NDST3: variants seen among roughly 807,000 people sequenced by gnomAD.
NDST3 encodes the protein bifunctional heparan sulfate N-deacetylase/N-sulfotransferase 3.
NDST3 carries 58 observed loss-of-function variants against 96.1 expected under a neutral mutation model. The observed-to-expected ratio is 0.60, with a 90% CI of 0.49 to 0.75. The LOEUF (loss-of-function observed/expected upper bound fraction) is 0.75. Among genes scored for constraint, NDST3 ranks in the 30% least tolerant of loss-of-function variants. The probability of loss-of-function intolerance (pLI) is 0.00; values close to 1 mark genes in which losing one functional copy is unlikely to be tolerated. For missense variants in NDST3, 788 were observed against 1,034.2 expected (o/e 0.76, Z 3.27); for synonymous variants, 333 against 359.7 (o/e 0.93, Z 0.84).
chr4:118,086,717 T>C (rs560041574), intron 2 of NDST3, among the ~76,000 whole-genome samples: 29 of 152,296 alleles, frequency 1.9e-4, no homozygotes, highest in Middle Eastern at 6.8e-3. Context: ...AGGGAACTCA[T>C]AAATGCTATG....
At chr4:118,251,619 T>A (rs1317806750) in intron 12 of NDST3, among the ~76,000 whole-genome samples, 1 of 152,012 alleles carries the variant, frequency 6.6e-6, no homozygotes, top group East Asian at 1.9e-4. Flanking sequence ...GTAGATTTAT[T>A]TCTGAACTCT....
chr4:118,183,107 A>G (rs1560702485), intron 6 of NDST3, among the ~76,000 whole-genome samples: 1 of 152,192 alleles, frequency 6.6e-6, no homozygotes, highest in Non-Finnish European at 1.5e-5. Context: ...TTTGGAAAGA[A>G]GAGATGAGAA....
At chr4:118,056,534 G>A (rs560839121) in intron 2 of NDST3, among the ~76,000 whole-genome samples, 19 of 152,012 alleles carry the variant, frequency 1.2e-4, no homozygotes, top group South Asian at 4.2e-4. Context: ...AATTGCATCT[G>A]TGATTGTGTC....
At chr4:118,161,106 G>C (rs1328465195) in intron 6 of NDST3, among the ~76,000 whole-genome samples, 3 of 152,202 alleles carry the variant, frequency 2.0e-5, no homozygotes, top group Admixed American at 1.3e-4. Context: ...CCCTCAGCTA[G>C]AGGTCTGTTG....
chr4:118,254,704 T>G (rs1216018972), intron 13 of NDST3, among the ~76,000 whole-genome samples: 1 of 152,180 alleles, frequency 6.6e-6, no homozygotes, highest in African/African-American at 2.4e-5. Context: ...ATTTGGGATT[T>G]TTCCCCCACA....
intron 4 of NDST3, among the ~76,000 whole-genome samples, chr4:118,132,134 T>C (rs1179486188): frequency 6.6e-6 from 1 of 152,176 alleles, no homozygotes. Context: ...GCCAAGTTTG[T>C]GTCCTTCCCT....
rs528710937 is a variant in NDST3 at position 118,187,526 on chromosome 4, A to G, written c.1540-36965A>G. Among the ~76,000 whole-genome samples the G allele has an allele frequency of 2.6e-5, 4 of 152,298 alleles. No homozygotes were observed. The East Asian group carries it at 5.8e-4, about 22-fold the overall frequency. On this transcript the variant is annotated intron_variant, in intron 6 of 13. Transcript: ENST00000296499. ...AACAAGGCTAACATTTGTTGTTCGTATTGGTCCTTCATCTTTCATCTCTCA... is the reference window on the plus strand; with the variant it reads ...AACAAGGCTAACATTTGTTGTTCGTGTTGGTCCTTCATCTTTCATCTCTCA...
chr4:118,056,678 T>C (rs530275694), intron 2 of NDST3, among the ~76,000 whole-genome samples: 10 of 151,958 alleles, frequency 6.6e-5, no homozygotes, highest in Non-Finnish European at 1.2e-4. Flanking sequence ...AATCTTGAAC[T>C]GTAGTCCATT....
intron 4 of NDST3, among the ~76,000 whole-genome samples, chr4:118,135,572 T>C (rs527300680): frequency 1.3e-5 from 2 of 152,180 alleles, no homozygotes; most frequent in Admixed American, 1.3e-4. Context: ...ACTAGCATTT[T>C]AGAGAACAGG....
intron 2 of NDST3, among the ~76,000 whole-genome samples, chr4:118,084,027 T>C (rs1728221553): frequency 1.3e-5 from 2 of 152,172 alleles, no homozygotes; most frequent in South Asian, 4.1e-4. Context: ...TGTATTCTTC[T>C]AAAAATGATA....
intron 2 of NDST3, among the ~76,000 whole-genome samples, chr4:118,059,524 C>G (rs1725726590): frequency 6.6e-6 from 1 of 152,076 alleles, no homozygotes; most frequent in African/African-American, 2.4e-5. Context: ...TAAGAGGTAT[C>G]AAGCTCAGAA....
intron 6 of NDST3, among the ~76,000 whole-genome samples, chr4:118,196,295 C>A (rs1271900431): frequency 6.6e-6 from 1 of 152,062 alleles, no homozygotes; most frequent in African/African-American, 2.4e-5. Context: ...GAGATACTGG[C>A]CTGTAGTTTT....
At chr4:118,140,197 T>C (rs1553935363) in intron 5 of NDST3, among the ~76,000 whole-genome samples, 2 of 152,184 alleles carry the variant, frequency 1.3e-5, no homozygotes, top group Non-Finnish European at 2.9e-5. Flanking sequence ...CTTGAGAGAC[T>C]TTCTGGCCAC....
chr4:118,229,566 T>C lies in NDST3; in HGVS notation c.1819+2584T>C, dbSNP rs111560193. ...TTTTTTAACACTTATAAATTCATTATGCCTTTTACTGACTATGCAAAATAA... is the reference window on the plus strand; with the variant it reads ...TTTTTTAACACTTATAAATTCATTACGCCTTTTACTGACTATGCAAAATAA... On this transcript the variant is annotated intron_variant, in intron 8 of 13. Coordinates refer to ENST00000296499, the MANE Select transcript of NDST3 (RefSeq NM_004784.3). 6.8e-3 allele frequency among the ~76,000 whole-genome samples: 1,038 copies of C among 152,336 alleles called. 13 individuals are homozygous for C. The highest frequency in any genetic ancestry group is 0.024 in the African/African-American group (977 of 41,574).
At chr4:118,046,307 A>G (rs1398818053) in intron 1 of NDST3, among the ~76,000 whole-genome samples, 3 of 152,228 alleles carry the variant, frequency 2.0e-5, no homozygotes, top group South Asian at 2.1e-4. Flanking sequence ...GAGAGTAGAT[A>G]AAGACAGAGC....
At chr4:118,035,171 A>G (rs1190463023) in intron 1 of NDST3, among the ~76,000 whole-genome samples, 1 of 152,180 alleles carries the variant, frequency 6.6e-6, no homozygotes, top group Non-Finnish European at 1.5e-5. Flanking sequence ...TTACATCTTT[A>G]AGGGGTTTAC....
At chr4:118,183,917 C>G (rs962435008) in intron 6 of NDST3, among the ~76,000 whole-genome samples, 81 of 152,314 alleles carry the variant, frequency 5.3e-4, no homozygotes, top group African/African-American at 1.9e-3. Context: ...ACCCAGAAAT[C>G]TTGGCTGTAG....
intron 6 of NDST3, among the ~76,000 whole-genome samples, chr4:118,195,395 T>C (rs1265060700): frequency 6.6e-6 from 1 of 152,212 alleles, no homozygotes; most frequent in Non-Finnish European, 1.5e-5. Context: ...AATAGTTTTA[T>C]AAATGGGAGT....
intron 2 of NDST3, among the ~76,000 whole-genome samples, chr4:118,065,006 A>C (rs1366838472): frequency 6.6e-6 from 1 of 152,140 alleles, no homozygotes; most frequent in African/African-American, 2.4e-5. Context: ...TCTGCTTTTA[A>C]GGATCCGTAT....
Sources: gnomAD v4.1 joint callset for allele counts (sites outside exome capture counted in the v4.1 genomes callset) on GRCh38, gnomAD v4.1.1 for gene constraint, MANE v1.5 for transcripts, NCBI Gene and HGNC (gene_info 2026-07-23, HGNC 2026-07-21) for gene names.